The following CBLN2 variants were observed in gnomAD, a reference collection of about 807,000 sequenced individuals.
CBLN2 encodes cerebellin-2.
Under a neutral mutation model 15.0 loss-of-function variants are expected in CBLN2, and 7 were observed. That is an observed-to-expected ratio of 0.47 (90% CI 0.27 to 0.88). The LOEUF (loss-of-function observed/expected upper bound fraction) is 0.88. Among genes scored for constraint, CBLN2 ranks in the 40% least tolerant of loss-of-function variants. The pLI is 0.14. For synonymous variants in CBLN2, 149 were observed against 135.2 expected (o/e 1.10, Z -0.71); for missense variants, 242 against 304.5 (o/e 0.79, Z 1.53).
At chr18:72,623,593 G>C (rs893238888) in intron 1 of CBLN2, among the ~76,000 whole-genome samples, 2 of 152,098 alleles carry the variant, frequency 1.3e-5, no homozygotes, top group African/African-American at 4.8e-5. Flanking sequence ...TGATGACTTT[G>C]TACAAACCTC....
intron 1 of CBLN2, among the ~76,000 whole-genome samples, chr18:72,612,891 A>G (rs1041592652): frequency 6.6e-6 from 1 of 152,212 alleles, no homozygotes; most frequent in Non-Finnish European, 1.5e-5. Context: ...ACAGAAGTTT[A>G]TCATTTCACA....
intron 1 of CBLN2, among the ~76,000 whole-genome samples, chr18:72,590,824 G>A (rs767062656): frequency 9.2e-5 from 14 of 152,272 alleles, no homozygotes; most frequent in South Asian, 2.1e-4. Flanking sequence ...AGAAGACCAA[G>A]TCATAGAATA....
intron 1 of CBLN2, among the ~76,000 whole-genome samples, chr18:72,592,606 T>C (rs759577635): frequency 1.3e-5 from 2 of 152,176 alleles, no homozygotes; most frequent in Non-Finnish European, 2.9e-5. Flanking sequence ...TTTTTTCTTA[T>C]AGTAGTTTCA....
At position 72,595,540 on chromosome 18, in the gene CBLN2, G is replaced by T. The variant is rs183514846; in HGVS notation, c.15+42785C>A. 1.5e-4 allele frequency among the ~76,000 whole-genome samples: 23 copies of T among 152,202 alleles called. No homozygotes were observed. In the East Asian group the frequency reaches 4.3e-3, roughly 28 times the overall value. On this transcript the variant is annotated intron_variant, in intron 1 of 2. Transcript: ENST00000581073. ...CTGTAAATATCTATTAGGTCCATTA[G>T]ATCTATAGTGTAAATTAAGTCTGAT... is the stretch of plus-strand genomic sequence containing the variant.
At chr18:72,613,843 T>C (rs796645458) in intron 1 of CBLN2, among the ~76,000 whole-genome samples, 3 of 152,216 alleles carry the variant, frequency 2.0e-5, no homozygotes, top group Non-Finnish European at 4.4e-5. Context: ...GCATCAGATT[T>C]ATTCCTGTAC....
At chr18:72,598,635 T>C (rs1432719100) in intron 1 of CBLN2, among the ~76,000 whole-genome samples, 1 of 152,066 alleles carries the variant, frequency 6.6e-6, no homozygotes, top group Non-Finnish European at 1.5e-5. Flanking sequence ...CATCTAGGAG[T>C]TGTAGTCCTT....
intron 1 of CBLN2, among the ~76,000 whole-genome samples, chr18:72,572,383 A>C (rs1684823279): frequency 6.6e-6 from 1 of 152,184 alleles, no homozygotes; most frequent in Non-Finnish European, 1.5e-5. Context: ...GTAGCAACAG[A>C]TGACTAGTGG....
upstream of CBLN2, among the ~76,000 whole-genome samples, chr18:72,547,570 G>A (rs965808459): frequency 1.3e-5 from 2 of 152,102 alleles, no homozygotes; most frequent in African/African-American, 4.8e-5. Flanking sequence ...TAATGTAATT[G>A]TATAGCTTTA....
chr18:72,570,091 T>C (rs1345345988), intron 1 of CBLN2, among the ~76,000 whole-genome samples: 1 of 152,182 alleles, frequency 6.6e-6, no homozygotes, highest in Non-Finnish European at 1.5e-5. Flanking sequence ...TTTTATGAAG[T>C]CACTGTGAAC....
intron 1 of CBLN2, among the ~76,000 whole-genome samples, chr18:72,585,292 C>T (rs1376907899): frequency 2.2e-4 from 33 of 152,210 alleles, no homozygotes; most frequent in Admixed American, 2.2e-3. Flanking sequence ...CACAATTTGG[C>T]AGGTCCTGAG....
intron 1 of CBLN2, among the ~76,000 whole-genome samples, chr18:72,604,596 A>G (rs955860117): frequency 6.6e-6 from 1 of 152,222 alleles, no homozygotes; most frequent in African/African-American, 2.4e-5. Context: ...GGGGCCTTTT[A>G]GAGATGATTG....
rs1358299880 is a variant in CBLN2, at chr18:72,629,440, GA to G, written c.15+8884del. On this transcript the variant is annotated intron_variant, in intron 1 of 2. Transcript: ENST00000581073. ...TTAAGATAAAGAAAACAAAGAAGAT[GA>G]AAAAAAGGCAGTTCATTAATTAAAA... is the stretch of plus-strand genomic sequence containing the variant. 2.6e-5 allele frequency among the ~76,000 whole-genome samples: 4 copies of G among 151,218 alleles called. No individual in the cohort carries two copies. In the East Asian group the frequency reaches 5.8e-4, roughly 22 times the overall value.
rs139758088 is a variant in CBLN2, at chr18:72,584,190, A to C, written c.16-45418T>G. Among the ~76,000 whole-genome samples, 26 of 152,260 alleles carry C rather than the reference A, an allele frequency of 1.7e-4. 1 individual carries two copies. Among genetic ancestry groups the C allele is most frequent in the African/African-American group, 6.3e-4 (26 of 41,554 alleles). ...GCTGCTTGATTCTCATTCAGGTCTC[A>C]GTTCAAAAGCCTTCTCCTCAAATAG... On this transcript the variant is annotated intron_variant, in intron 1 of 2. Transcript: ENST00000581073.
At chr18:72,564,276 G>A (rs1236797266) in intron 1 of CBLN2, among the ~76,000 whole-genome samples, 1 of 152,054 alleles carries the variant, frequency 6.6e-6, no homozygotes, top group Non-Finnish European at 1.5e-5. Context: ...TGAGATGCAA[G>A]AGAATGCACA....
intron 1 of CBLN2, among the ~76,000 whole-genome samples, chr18:72,603,344 T>C (rs1241146693): frequency 6.6e-6 from 1 of 152,220 alleles, no homozygotes; most frequent in African/African-American, 2.4e-5. Context: ...CTCTTCATTT[T>C]TCAGGTTTTA....
At chr18:72,548,285 G>A (rs2069171040), upstream of CBLN2, among the ~76,000 whole-genome samples, 1 of 152,178 alleles carries the variant, frequency 6.6e-6, no homozygotes, top group South Asian at 2.1e-4. Context: ...CAGAAGAAAT[G>A]TAACTCAAAT....
chr18:72,630,063 A>T (rs2069764849), intron 1 of CBLN2, among the ~76,000 whole-genome samples: 1 of 152,218 alleles, frequency 6.6e-6, no homozygotes, highest in Non-Finnish European at 1.5e-5. Context: ...TAGTAGAAGT[A>T]TCTGACTACA....
At chr18:72,569,889 C>A (rs2069320006) in intron 1 of CBLN2, among the ~76,000 whole-genome samples, 1 of 152,114 alleles carries the variant, frequency 6.6e-6, no homozygotes, top group African/African-American at 2.4e-5. Context: ...AACAAACACC[C>A]AAAATATATC....
chr18:72,619,312 C>T, intron 1 of CBLN2: 1 of 583,260 alleles, frequency 1.7e-6, no homozygotes, highest in Admixed American at 2.2e-5. Flanking sequence ...TGAACTCAGC[C>T]AAGCACAGTG....
Sources: gnomAD v4.1 joint callset for allele counts (sites outside exome capture counted in the v4.1 genomes callset) on GRCh38, gnomAD v4.1.1 for gene constraint, MANE v1.5 for transcripts, NCBI Gene and HGNC (gene_info 2026-07-23, HGNC 2026-07-21) for gene names.